Variants in WWOX observed in about 807,000 individuals in gnomAD.
WWOX encodes the protein WW domain containing oxidoreductase.
Under a neutral mutation model 46.2 loss-of-function variants are expected in WWOX, and 69 were observed. The ratio of observed to expected loss-of-function variants is 1.49; its 90% CI spans 1.23 to 1.82. WWOX has a LOEUF of 1.82. Among genes scored for constraint, WWOX ranks in the 40% most tolerant of loss-of-function variants. The pLI is 0.00. For missense variants in WWOX, 919 were observed against 542.6 expected (o/e 1.69, Z -6.89); for synonymous variants, 359 against 202.6 (o/e 1.77, Z -6.56).
At chr16:78,613,138 C>T (rs1019997587) in intron 8 of WWOX, among the ~76,000 whole-genome samples, 1 of 152,166 alleles carries the variant, frequency 6.6e-6, no homozygotes, top group Non-Finnish European at 1.5e-5. Context: ...CTCCTCTGCT[C>T]ACAATGACAA....
intron 8 of WWOX, among the ~76,000 whole-genome samples, chr16:78,470,978 C>A (rs1003507087): frequency 6.6e-6 from 1 of 152,206 alleles, no homozygotes; most frequent in African/African-American, 2.4e-5. Flanking sequence ...CAAGTAAAAT[C>A]AGAAACCAAC....
intron 8 of WWOX, among the ~76,000 whole-genome samples, chr16:79,180,220 A>T (rs2050883607): frequency 6.6e-6 from 1 of 152,202 alleles, no homozygotes; most frequent in Non-Finnish European, 1.5e-5. Context: ...GAGAGAGATC[A>T]GTAATTTATA....
intron 8 of WWOX, among the ~76,000 whole-genome samples, chr16:79,062,817 C>A (rs996251278): frequency 6.6e-6 from 1 of 152,106 alleles, no homozygotes; most frequent in South Asian, 2.1e-4. Context: ...TTGAACAGTG[C>A]TTGAGAGTAT....
Position 78,119,857 on chromosome 16 carries a change from C to T in WWOX, c.409+4703C>T, listed in dbSNP as rs191631536. On this transcript the variant is annotated intron_variant, in intron 4 of 8. Coordinates refer to ENST00000566780, the MANE Select transcript of WWOX (RefSeq NM_016373.4). ...TTCTTAACTTTCAGTCCTAAACCAG[C>T]AGTGGCTAAAACTTGATTTTTAAAA... Among the ~76,000 whole-genome samples the T allele has an allele frequency of 2.6e-5, 4 of 152,278 alleles. No individual in the cohort carries two copies. In the East Asian group the frequency reaches 7.7e-4, roughly 29 times the overall value.
intron 8 of WWOX, among the ~76,000 whole-genome samples, chr16:78,726,734 T>A (rs1211986752): frequency 6.6e-6 from 1 of 152,028 alleles, no homozygotes; most frequent in Non-Finnish European, 1.5e-5. Context: ...CCTTTTTTTT[T>A]TTGCCAGGGG....
intron 8 of WWOX, among the ~76,000 whole-genome samples, chr16:78,767,783 G>C (rs531514806): frequency 3.3e-5 from 5 of 152,092 alleles, no homozygotes; most frequent in African/African-American, 1.2e-4. Context: ...CCTCCCTGCA[G>C]TGTTGATTCC....
Position 78,794,745 on chromosome 16 carries a change from G to C in WWOX, c.1056+361993G>C, listed in dbSNP as rs150086012. On this transcript the variant is annotated intron_variant, in intron 8 of 8. Coordinates refer to ENST00000566780, the MANE Select transcript of WWOX (RefSeq NM_016373.4). ...AGCTCTGCTATCAGAGTGATGCTGT[G>C]GCTGGAGAAGATGGAGACCCATGTG... Among the ~76,000 whole-genome samples the C allele has an allele frequency of 2.1e-3, 326 of 152,334 alleles. 1 individual carries two copies. The highest frequency in any genetic ancestry group is 7.3e-3 in the African/African-American group (302 of 41,572).
intron 8 of WWOX, among the ~76,000 whole-genome samples, chr16:78,794,691 T>C (rs937692117): frequency 5.9e-5 from 9 of 152,234 alleles, no homozygotes; most frequent in African/African-American, 1.4e-4. Flanking sequence ...GCAGCTGTTA[T>C]CTTTGTCATT....
chr16:78,952,737 G>A (rs11150118), intron 8 of WWOX, among the ~76,000 whole-genome samples: 8,556 of 152,098 alleles, frequency 0.056, 844 homozygotes, highest in African/African-American at 0.2. Context: ...AGTACGCTCC[G>A]TAGGGCATGT....
Position 78,794,573 on chromosome 16 carries a change from C to T in WWOX, c.1056+361821C>T, listed in dbSNP as rs984404542. ...ATCTAAGAGGTAATAACCCTAATAC[C>T]TCTTAGTGTTGCTGTGAGAATTAAC... is the stretch of plus-strand genomic sequence containing the variant. On this transcript the variant is annotated intron_variant, in intron 8 of 8. Coordinates refer to ENST00000566780, the MANE Select transcript of WWOX (RefSeq NM_016373.4). Among the ~76,000 whole-genome samples, 4 of 152,152 alleles carry T rather than the reference C, an allele frequency of 2.6e-5. No homozygotes were observed. In the East Asian group the frequency reaches 7.7e-4, roughly 29 times the overall value.
chr16:78,648,186 C>A (rs538180328), intron 8 of WWOX, among the ~76,000 whole-genome samples: 1 of 152,124 alleles, frequency 6.6e-6, no homozygotes, highest in Non-Finnish European at 1.5e-5. Flanking sequence ...ACGGCTATTT[C>A]TTTAGGACGT....
rs903945428 is a variant in WWOX, at chr16:78,138,584, C to T, written c.409+23430C>T. Among the ~76,000 whole-genome samples, 22 of 152,108 alleles carry T rather than the reference C, an allele frequency of 1.4e-4. 1 individual carries two copies. Among genetic ancestry groups the T allele is most frequent in the South Asian group, 6.2e-4 (3 of 4,824 alleles). On this transcript the variant is annotated intron_variant, in intron 4 of 8. Transcript: ENST00000566780. ...GCAACTTTACTAAGGAATGAAAGTC[C>T]GATAAGAATCCATATCTTTTGAAAG...
At chr16:78,865,677 C>A (rs1028109734) in intron 8 of WWOX, among the ~76,000 whole-genome samples, 1 of 152,038 alleles carries the variant, frequency 6.6e-6, no homozygotes, top group Non-Finnish European at 1.5e-5. Context: ...GTCAGGAGTT[C>A]GACACCAGCC....
chr16:79,088,851 G>T (rs1306073886), intron 8 of WWOX, among the ~76,000 whole-genome samples: 1 of 152,138 alleles, frequency 6.6e-6, no homozygotes, highest in Admixed American at 6.5e-5. Context: ...GATGCATTCT[G>T]ACCCTCATCC....
At position 79,200,851 on chromosome 16, in the gene WWOX, C is replaced by G. The variant is rs561276231; in HGVS notation, c.1057-10757C>G. ...TGCTGGGGCCAGGTGACAGGCGAGT[C>G]TCTATACGGCAGGCCCAAAAAATGG... On this transcript the variant is annotated intron_variant, in intron 8 of 8. Coordinates refer to ENST00000566780, the MANE Select transcript of WWOX (RefSeq NM_016373.4). 2.0e-5 allele frequency among the ~76,000 whole-genome samples: 3 copies of G among 152,274 alleles called. 1 individual carries two copies. The highest frequency in any genetic ancestry group is 7.2e-5 in the African/African-American group (3 of 41,554).
chr16:78,988,458 A>T (rs1477718688), intron 8 of WWOX, among the ~76,000 whole-genome samples: 1 of 152,046 alleles, frequency 6.6e-6, no homozygotes, highest in African/African-American at 2.4e-5. Flanking sequence ...GAGACAGTTG[A>T]AGGTGCCAGG....
At chr16:79,182,310 G>A (rs1378152030) in intron 8 of WWOX, among the ~76,000 whole-genome samples, 1 of 152,050 alleles carries the variant, frequency 6.6e-6, no homozygotes, top group Admixed American at 6.5e-5. Flanking sequence ...CCAGCGCCAT[G>A]TTGTCATCAA....
At chr16:78,587,211 T>G (rs2667531) in intron 8 of WWOX, among the ~76,000 whole-genome samples, 15 of 138,546 alleles carry the variant, frequency 1.1e-4, no homozygotes, top group Non-Finnish European at 1.4e-4. Context: ...TTTTTTTTTT[T>G]TTTTTGTAGA....
intron 8 of WWOX, among the ~76,000 whole-genome samples, chr16:78,943,551 G>T (rs1163524666): frequency 6.6e-6 from 1 of 152,160 alleles, no homozygotes; most frequent in Non-Finnish European, 1.5e-5. Context: ...TGCTCTTGCA[G>T]TTTCTGACAC....
Sources: allele counts gnomAD v4.1 joint callset (sites outside exome capture counted in the v4.1 genomes callset), GRCh38; gene constraint gnomAD v4.1.1; transcripts MANE v1.5; gene names NCBI Gene and HGNC (gene_info 2026-07-23, HGNC 2026-07-21).